The following FHL1 variants were observed in gnomAD, a reference collection of about 807,000 sequenced individuals.
The protein encoded by FHL1 is four and a half LIM domains protein 1.
A neutral mutation model predicts 20.3 loss-of-function variants in FHL1; 1 was observed. The observed-to-expected ratio is 0.05, with a 90% CI of 0.02 to 0.23. FHL1 has a LOEUF of 0.23. FHL1 is among the 10% of genes least tolerant of loss of function. The probability of loss-of-function intolerance (pLI) is 1.00; values close to 1 mark genes in which losing one functional copy is unlikely to be tolerated. For missense variants in FHL1, 177 were observed against 234.0 expected, an observed-to-expected ratio of 0.76 and a Z score of 1.59; for synonymous variants, 82 against 88.9, an observed-to-expected ratio of 0.92 and a Z score of 0.44.
chrX:136,156,486 T>TG lies in FHL1; in HGVS notation c.-101+8860dup, dbSNP rs2072422799. ...TGGTAGTGACGGGGTTTCACTGTGT[T>TG]GGTCAGGCTGATCTCGAACTCCTGA... On this transcript the variant is annotated intron_variant, in intron 1 of 7. Coordinates refer to the FHL1 transcript ENST00000394155. Among the ~76,000 whole-genome samples the TG allele has an allele frequency of 4.5e-5, 5 of 111,077 alleles. No individual in the cohort carries two copies. In the South Asian group the frequency reaches 1.9e-3, roughly 43 times the overall value.
intron 1 of FHL1, among the ~76,000 whole-genome samples, chrX:136,199,110 C>T (rs1488257346): frequency 1.8e-5 from 2 of 111,601 alleles, no homozygotes; most frequent in Non-Finnish European, 3.8e-5. Flanking sequence ...GCTGCCGGGT[C>T]AGAAATGCTT....
chrX:136,167,135 A>T (rs1007596505), upstream of FHL1: 1 of 112,190 alleles, frequency 8.9e-6, no homozygotes, highest in African/African-American at 3.2e-5. Context: ...TGGTGGGAGA[A>T]TAGATGGAGT....
chrX:136,153,520 G>A (rs1031348481), intron 1 of FHL1, among the ~76,000 whole-genome samples: 1 of 112,035 alleles, frequency 8.9e-6, no homozygotes, highest in African/African-American at 3.2e-5. Flanking sequence ...AGACAGACAT[G>A]CATGGTGGTA....
chrX:136,206,268 C>T (rs920854341), intron 1 of FHL1, 139 bp from the exon 2 acceptor site: 15 of 745,857 alleles, frequency 2.0e-5, no homozygotes, highest in Middle Eastern at 4.4e-4. Flanking sequence ...GTAGTCAGCT[C>T]GGCTGAAGGG....
chrX:136,200,025 C>T (rs761740607), intron 1 of FHL1, among the ~76,000 whole-genome samples: 1 of 111,969 alleles, frequency 8.9e-6, no homozygotes, highest in African/African-American at 3.2e-5. Context: ...AATTGAAAGC[C>T]AAAACTTTTA....
upstream of FHL1, chrX:136,168,423 C>T (rs191722682): frequency 2.7e-5 from 3 of 111,872 alleles, no homozygotes; most frequent in East Asian, 8.4e-4. Context: ...AGATACTTAA[C>T]ATTTTACCGG....
intron 1 of FHL1, among the ~76,000 whole-genome samples, chrX:136,162,696 C>T (rs957920761): frequency 5.4e-5 from 6 of 111,398 alleles, no homozygotes; most frequent in Non-Finnish European, 1.1e-4. Context: ...CTAACAAGGT[C>T]CTCTCTCAGG....
In FHL1 at chrX:136,207,006, T is replaced by C; in HGVS notation, c.205-10T>C. ...CTCATGGTGGCCCACCCTGTCTGCT[T>C]GGTTTCCAGGAGGTGCACTATAAGA... is the stretch of plus-strand genomic sequence containing the variant. On this transcript the variant is annotated splice_polypyrimidine_tract_variant and intron_variant, in intron 2 of 5. Coordinates refer to ENST00000370683, the MANE Select transcript of FHL1 (RefSeq NM_001159699.2). 8.3e-7 allele frequency: 1 copy of C among 1,210,428 alleles called. No individual in the cohort carries two copies. The highest frequency in any genetic ancestry group is 1.8e-5 in the South Asian group (1 of 56,922).
At chrX:136,188,217 T>C (rs1396715069) in intron 2 of FHL1, among the ~76,000 whole-genome samples, 1 of 112,268 alleles carries the variant, frequency 8.9e-6, no homozygotes, top group Non-Finnish European at 1.9e-5. Context: ...GAAGCCCTGA[T>C]TGATAAAATT....
chrX:136,156,525 G>T (rs960420483), intron 1 of FHL1, among the ~76,000 whole-genome samples: 9 of 111,113 alleles, frequency 8.1e-5, no homozygotes, highest in African/African-American at 1.3e-4. Context: ...CAGGTGATCC[G>T]CCCTCCTCGG....
At chrX:136,191,264 G>C (rs2073424922) in intron 2 of FHL1, among the ~76,000 whole-genome samples, 1 of 112,201 alleles carries the variant, frequency 8.9e-6, no homozygotes, top group African/African-American at 3.2e-5. Flanking sequence ...GGTTACTCCT[G>C]CATTGAATCT....
At position 136,211,026 on chromosome X, in the gene FHL1, C is replaced by G. The variant is rs1177424058; in HGVS notation, c.*1001C>G. 1 of 374,272 alleles carries G rather than the reference C, an allele frequency of 2.7e-6. No homozygotes were observed. Among genetic ancestry groups the G allele is most frequent in the Non-Finnish European group, 5.0e-6 (1 of 198,335 alleles). 30.8% of individuals were successfully genotyped at this position (374,272 alleles called of 1,213,427 possible). Reference sequence around the variant, plus strand: ...CAGTGACTAGTTGAATCCCTTGTAACGTAGTAGTTGTCTGCTCTTTGTCCA... The same window carrying G: ...CAGTGACTAGTTGAATCCCTTGTAAGGTAGTAGTTGTCTGCTCTTTGTCCA... On this transcript the variant is annotated 3_prime_UTR_variant, in exon 6 of 6. Coordinates refer to ENST00000370683, the MANE Select transcript of FHL1 (RefSeq NM_001159699.2).
intron 1 of FHL1, among the ~76,000 whole-genome samples, chrX:136,151,237 C>A (rs1386858695): frequency 8.9e-6 from 1 of 111,992 alleles, no homozygotes; most frequent in Non-Finnish European, 1.9e-5. Flanking sequence ...AAATATCCAA[C>A]AGCGCATAGG....
chrX:136,171,032 T>C (rs1258704479), intron 2 of FHL1, among the ~76,000 whole-genome samples: 1 of 111,938 alleles, frequency 8.9e-6, no homozygotes, highest in Non-Finnish European at 1.9e-5. Context: ...GTAAAAAGCA[T>C]AGGACAAACT....
At chrX:136,183,455 C>T (rs956643256) in intron 2 of FHL1, among the ~76,000 whole-genome samples, 1 of 111,090 alleles carries the variant, frequency 9.0e-6, no homozygotes. Flanking sequence ...TTCATAATCA[C>T]CCATAATAAA....
intron 2 of FHL1, among the ~76,000 whole-genome samples, chrX:136,185,477 C>G (rs930429673): frequency 8.9e-6 from 1 of 111,822 alleles, no homozygotes; most frequent in African/African-American, 3.2e-5. Context: ...AAACATCAGC[C>G]CCTTTTCTGA....
rs186683598 is a variant in FHL1 at position 136,159,715 on chromosome X, A to G, written c.-100-10192A>G. Among the ~76,000 whole-genome samples the G allele has an allele frequency of 4.5e-3, 506 of 112,078 alleles. 8 individuals are homozygous for G. The highest frequency in any genetic ancestry group is 0.015 in the African/African-American group (469 of 30,851). On this transcript the variant is annotated intron_variant, in intron 1 of 7. Transcript: ENST00000394155. ...CTCCAATGCTATGTCTAGTTGCACA[A>G]TAGTCAGTAGATAGGTCAGTGGGAG...
intron 1 of FHL1, among the ~76,000 whole-genome samples, chrX:136,157,632 C>T (rs2072457092): frequency 9.0e-6 from 1 of 111,027 alleles, no homozygotes; most frequent in Non-Finnish European, 1.9e-5. Flanking sequence ...CATTCTTCCC[C>T]CAGCCCCTTT....
chrX:136,204,319 A>G (rs1015722005), intron 1 of FHL1, among the ~76,000 whole-genome samples: 30 of 112,478 alleles, frequency 2.7e-4, no homozygotes, highest in African/African-American at 9.4e-4. Flanking sequence ...TCTGTGTGAC[A>G]CTGGAAAGAC....
Sources: gnomAD v4.1 joint callset for allele counts (sites outside exome capture counted in the v4.1 genomes callset) on GRCh38, gnomAD v4.1.1 for gene constraint, MANE v1.5 for transcripts, NCBI Gene and HGNC (gene_info 2026-07-23, HGNC 2026-07-21) for gene names.